The following DTNA variants were observed in gnomAD, a reference collection of about 807,000 sequenced individuals.
DTNA encodes dystrophin-related protein 3.
DTNA carries 43 observed loss-of-function variants against 100.7 expected under a neutral mutation model. That is an observed-to-expected ratio of 0.43 (90% CI 0.33 to 0.55). The LOEUF (loss-of-function observed/expected upper bound fraction) is 0.55, where lower values mean the gene tolerates loss of function less well. DTNA is among the 20% of genes least tolerant of loss of function. The pLI is 0.04. For synonymous variants in DTNA, 349 were observed against 347.9 expected, an observed-to-expected ratio of 1.00 and a Z score of -0.04; for missense variants, 798 against 953.9, an observed-to-expected ratio of 0.84 and a Z score of 2.15.
At chr18:34,498,904 T>G (rs1040574115) in intron 1 of DTNA, among the ~76,000 whole-genome samples, 1 of 152,236 alleles carries the variant, frequency 6.6e-6, no homozygotes, top group Non-Finnish European at 1.5e-5. Flanking sequence ...AATCAATACT[T>G]TTAATTAAAC....
At chr18:34,809,815 G>A (rs867525596) in intron 5 of DTNA, among the ~76,000 whole-genome samples, 1 of 152,280 alleles carries the variant, frequency 6.6e-6, no homozygotes, top group East Asian at 1.9e-4. Flanking sequence ...AAATGCATTA[G>A]AAGAGAAAAC....
chr18:34,753,366 A>ATTTTATTTTATT (rs2092500633), intron 1 of DTNA, among the ~76,000 whole-genome samples: 24 of 133,156 alleles, frequency 1.8e-4, no homozygotes, highest in African/African-American at 7.7e-4. Flanking sequence ...TATTTATTTT[A>ATTTTATTTTATT]TTTTTTTTTT....
rs1411938659 is a variant in DTNA, at chr18:34,889,261, G to C, written c.*1527G>C. 1 of 984,988 alleles carries C rather than the reference G, an allele frequency of 1.0e-6. No homozygotes were observed. Among genetic ancestry groups the C allele is most frequent in the Non-Finnish European group, 1.2e-6 (1 of 829,720 alleles). 61.0% of individuals were successfully genotyped at this position (984,988 alleles called of 1,614,324 possible). On this transcript the variant is annotated 3_prime_UTR_variant, in exon 23 of 23. Transcript: ENST00000444659. ...AATAGTTCTCAAAGTGTGTTCCCCG[G>C]ACAAGCAGCATCTGCAACACTTAGG...
chr18:34,858,431 T>C, intron 16 of DTNA, 33 bp downstream of exon 16: 1 of 1,600,376 alleles, frequency 6.2e-7, no homozygotes, highest in Non-Finnish European at 8.6e-7. Flanking sequence ...TCTCAGGGAA[T>C]ATATATGTGT....
At chr18:34,582,357 G>A (rs1337301644) in intron 1 of DTNA, among the ~76,000 whole-genome samples, 4 of 152,146 alleles carry the variant, frequency 2.6e-5, no homozygotes, top group Admixed American at 6.5e-5. Flanking sequence ...CAGTCTCAAC[G>A]CCTTTTGAGC....
At chr18:34,498,372 G>T (rs1036434796) in intron 1 of DTNA, among the ~76,000 whole-genome samples, 3 of 151,278 alleles carry the variant, frequency 2.0e-5, no homozygotes, top group African/African-American at 7.3e-5. Flanking sequence ...GGCAGAGCTT[G>T]CAGTGAGCCG....
At chr18:34,887,038 C>T (rs566492432) in intron 22 of DTNA, among the ~76,000 whole-genome samples, 107 of 152,280 alleles carry the variant, frequency 7.0e-4, no homozygotes, top group African/African-American at 2.5e-3. Context: ...ATCAGCTTGA[C>T]ATTAGTTAGC....
chr18:34,708,944 A>G (rs1277707478), upstream of DTNA, among the ~76,000 whole-genome samples: 18 of 152,196 alleles, frequency 1.2e-4, no homozygotes, highest in Admixed American at 1.1e-3. Flanking sequence ...CCAAGATCAC[A>G]AAAGTAGTAT....
chr18:34,801,390 C>CTA (rs1385048844), intron 4 of DTNA, among the ~76,000 whole-genome samples: 1 of 151,968 alleles, frequency 6.6e-6, no homozygotes, highest in Non-Finnish European at 1.5e-5. Context: ...ACATATTCCA[C>CTA]TATGCCAAAA....
intron 9 of DTNA, chr18:34,825,185 A>C: frequency 1.3e-6 from 2 of 1,586,024 alleles, no homozygotes. Context: ...GTATTTTGAC[A>C]TTTGTTCTTA....
chr18:34,840,455 C>A (rs1464534380), intron 13 of DTNA, among the ~76,000 whole-genome samples: 1 of 150,372 alleles, frequency 6.7e-6, no homozygotes, highest in Non-Finnish European at 1.5e-5. Context: ...GACTATGATG[C>A]GATCTCACAT....
chr18:34,868,606 A>T (rs1374620047), intron 17 of DTNA: 1 of 985,314 alleles, frequency 1.0e-6, no homozygotes, highest in Non-Finnish European at 1.2e-6. Flanking sequence ...AATAACCTCT[A>T]CTTGCTTTAT....
At chr18:34,816,459 T>C (rs2095600045) in intron 7 of DTNA, among the ~76,000 whole-genome samples, 1 of 152,206 alleles carries the variant, frequency 6.6e-6, no homozygotes, top group Non-Finnish European at 1.5e-5. Flanking sequence ...ATGTTCCAGA[T>C]TGTGAGCTTT....
chr18:34,673,099 T>C (rs898556992), intron 1 of DTNA, among the ~76,000 whole-genome samples: 1 of 152,044 alleles, frequency 6.6e-6, no homozygotes, highest in African/African-American at 2.4e-5. Flanking sequence ...TATTTGTTTG[T>C]TTTTTGAGAG....
intron 3 of DTNA, among the ~76,000 whole-genome samples, chr18:34,777,252 A>G (rs1484006587): frequency 6.6e-6 from 1 of 152,234 alleles, no homozygotes; most frequent in Non-Finnish European, 1.5e-5. Context: ...CTGGAACATT[A>G]TAAGTGTTCA....
rs1168099936 is a variant in DTNA at position 34,650,266 on chromosome 18, C to T, written c.-1-105710C>T. On this transcript the variant is annotated intron_variant, in intron 1 of 19. Coordinates refer to the DTNA transcript ENST00000283365. Reference sequence around the variant, plus strand: ...ACCTTCCAAGCATCTGGATTTACTGCCAAAACACTAAATAAGAACTACAAG... The same window carrying T: ...ACCTTCCAAGCATCTGGATTTACTGTCAAAACACTAAATAAGAACTACAAG... 3.3e-5 allele frequency among the ~76,000 whole-genome samples: 5 copies of T among 152,086 alleles called. No homozygotes were observed. In the South Asian group the frequency reaches 8.3e-4, roughly 25 times the overall value.
intron 1 of DTNA, among the ~76,000 whole-genome samples, chr18:34,543,049 G>A (rs1376819677): frequency 6.6e-6 from 1 of 151,954 alleles, no homozygotes; most frequent in Non-Finnish European, 1.5e-5. Flanking sequence ...ATCTTATTTA[G>A]TAGTATAATG....
Position 34,888,901 on chromosome 18 carries a change from G to A in DTNA, c.*1167G>A, listed in dbSNP as rs1476251314. 2 of 985,760 alleles carry A rather than the reference G, an allele frequency of 2.0e-6. No individual in the cohort carries two copies. Among genetic ancestry groups the A allele is most frequent in the Non-Finnish European group, 2.4e-6 (2 of 829,958 alleles). The allele number at this position is 985,760 out of a possible 1,614,324, so 61.1% of individuals were successfully genotyped here. A position where few individuals can be genotyped will look rare whatever the true frequency, so the allele number is the denominator to read the frequency against. The stretch of plus-strand genomic sequence containing the variant: ...TGATTGCCTTAGCTGGCCACCTGGT[G>A]TTCTGCATGTAGCCTTCTGTGGTCA... On this transcript the variant is annotated 3_prime_UTR_variant, in exon 23 of 23. Coordinates refer to ENST00000444659, the MANE Select transcript of DTNA (RefSeq NM_001386795.1).
At chr18:34,517,528 A>G (rs1370914293) in intron 1 of DTNA, among the ~76,000 whole-genome samples, 2 of 151,380 alleles carry the variant, frequency 1.3e-5, no homozygotes, top group Non-Finnish European at 2.9e-5. Flanking sequence ...GTAGCTTTGT[A>G]TAAATATCAC....
Sources: gnomAD v4.1 joint callset for allele counts (sites outside exome capture counted in the v4.1 genomes callset) on GRCh38, gnomAD v4.1.1 for gene constraint, MANE v1.5 for transcripts, NCBI Gene and HGNC (gene_info 2026-07-23, HGNC 2026-07-21) for gene names.